LRRC37A2: variants seen among roughly 807,000 people sequenced by gnomAD.
LRRC37A2 encodes the protein leucine rich repeat containing 37 member A2, also known as leucine-rich repeat-containing protein 37A2.
In LRRC37A2, 9 loss-of-function variants were observed where a neutral mutation model predicts 68.8. The ratio of observed to expected loss-of-function variants is 0.13; its 90% confidence interval spans 0.08 to 0.23. LRRC37A2 has a LOEUF of 0.23. LRRC37A2 is among the 10% of genes least tolerant of loss of function. The pLI is 1.00. For synonymous variants in LRRC37A2, 63 were observed against 367.6 expected, an observed-to-expected ratio of 0.17 and a Z score of 9.48; for missense variants, 168 against 950.4, an observed-to-expected ratio of 0.18 and a Z score of 10.82.
the LRRC37A2 span, chr17:46,923,087 A>C: frequency 5.1e-6 from 4 of 790,192 alleles, no homozygotes; most frequent in Non-Finnish European, 8.7e-6. Context: ...CCTGGCCGGC[A>C]GGGGAGGGAG....
the LRRC37A2 span, among the ~76,000 whole-genome samples, chr17:46,705,396 G>A: frequency 2.6e-3 from 391 of 151,900 alleles, 5 homozygotes; most frequent in African/African-American, 9.1e-3. Flanking sequence ...TTCTTAAAAC[G>A]CACTCAAAAT....
chr17:46,759,783 G>GAACT, the LRRC37A2 span, among the ~76,000 whole-genome samples: 1 of 151,902 alleles, frequency 6.6e-6, no homozygotes, highest in South Asian at 2.1e-4. Context: ...CCTCATCCTT[G>GAACT]AACTGTCTCA....
chr17:46,923,549 T>G, the LRRC37A2 span: 3 of 1,321,954 alleles, frequency 2.3e-6, no homozygotes, highest in Non-Finnish European at 1.9e-6. Flanking sequence ...TCGGTGCTCC[T>G]GGTTGGTAGA....
the LRRC37A2 span, among the ~76,000 whole-genome samples, chr17:46,781,232 C>CAAAAAAA: frequency 6.9e-6 from 1 of 143,938 alleles, no homozygotes; most frequent in South Asian, 2.2e-4. Context: ...TCCCCCCAAC[C>CAAAAAAA]AAAAAAAAAA....
the LRRC37A2 span, among the ~76,000 whole-genome samples, chr17:46,934,056 AG>A: frequency 6.6e-6 from 1 of 152,178 alleles, no homozygotes; most frequent in Non-Finnish European, 1.5e-5. Context: ...TCCTGCCTAT[AG>A]TCCACTTTCA....
the LRRC37A2 span, among the ~76,000 whole-genome samples, chr17:46,853,859 G>A: frequency 6.6e-6 from 1 of 152,158 alleles, no homozygotes; most frequent in Non-Finnish European, 1.5e-5. Context: ...GATGAGAGGA[G>A]AGGGGTTCCA....
chr17:46,471,370 GGGCACAGT>G, the LRRC37A2 span, among the ~76,000 whole-genome samples: 1 of 72,580 alleles, frequency 1.4e-5, no homozygotes, highest in African/African-American at 3.8e-5. Context: ...TAAATAGGCT[GGGCACAGT>G]GGCTCTCGCC....
At chr17:46,861,581 G>A in the LRRC37A2 span, among the ~76,000 whole-genome samples, 2 of 152,138 alleles carry the variant, frequency 1.3e-5, no homozygotes, top group African/African-American at 2.4e-5. Flanking sequence ...TATCCCCATC[G>A]GACTCCAGAA....
the LRRC37A2 span, among the ~76,000 whole-genome samples, chr17:46,967,263 T>G: frequency 6.6e-6 from 1 of 152,358 alleles, no homozygotes; most frequent in African/African-American, 2.4e-5. Context: ...CTCTGCCACT[T>G]ATTGGCTGCA....
At chr17:46,987,385 C>T in the LRRC37A2 span, among the ~76,000 whole-genome samples, 1 of 152,234 alleles carries the variant, frequency 6.6e-6, no homozygotes, top group African/African-American at 2.4e-5. Context: ...ACAGGGGAGA[C>T]ACACGATCAG....
At chr17:46,923,358 G>A in the LRRC37A2 span, 3 of 1,504,278 alleles carry the variant, frequency 2.0e-6, no homozygotes, top group African/African-American at 4.2e-5. Context: ...GGATGCCTCC[G>A]AAGTGCTTAA....
chr17:46,989,488 G>C, the LRRC37A2 span, among the ~76,000 whole-genome samples: 1 of 152,210 alleles, frequency 6.6e-6, no homozygotes, highest in African/African-American at 2.4e-5. Context: ...CAGATATAAG[G>C]GGATGCATGA....
the LRRC37A2 span, chr17:46,940,170 C>T: frequency 1.5e-6 from 2 of 1,347,460 alleles, no homozygotes; most frequent in Non-Finnish European, 1.9e-6. Context: ...CTTTCAGGCA[C>T]CTCTGTGGCA....
At chr17:46,972,946 A>T in the LRRC37A2 span, 1 of 153,868 alleles carries the variant, frequency 6.5e-6, no homozygotes, top group Non-Finnish European at 1.5e-5. Context: ...TTGTACGTCA[A>T]GTTTATTAGG....
chr17:46,657,906 G>A, the LRRC37A2 span, among the ~76,000 whole-genome samples: 1 of 87,444 alleles, frequency 1.1e-5, no homozygotes, highest in Admixed American at 1.4e-4. Flanking sequence ...AGCATTGTCT[G>A]TTCTCGCTTT....
chr17:46,966,443 G>A, the LRRC37A2 span: 1 of 611,058 alleles, frequency 1.6e-6, no homozygotes, highest in East Asian at 2.9e-5. Flanking sequence ...GACCTGCTGG[G>A]CTTAAGCAAT....
chr17:46,931,140 A>G, the LRRC37A2 span: 2 of 1,611,146 alleles, frequency 1.2e-6, no homozygotes, highest in Admixed American at 3.3e-5. Flanking sequence ...CCAGATATTC[A>G]GCCGTCTAGA....
chr17:46,845,991 A>T, the LRRC37A2 span, among the ~76,000 whole-genome samples: 1 of 151,836 alleles, frequency 6.6e-6, no homozygotes, highest in Non-Finnish European at 1.5e-5. Flanking sequence ...GGGTTTTGCC[A>T]TGTTGGCCAG....
chr17:46,721,700 A>G, the LRRC37A2 span: 1 of 1,604,322 alleles, frequency 6.2e-7, no homozygotes, highest in Non-Finnish European at 8.5e-7. Flanking sequence ...GTCCAAATGA[A>G]CCTTTATGAG....
Sources: gnomAD v4.1 joint callset for allele counts (sites outside exome capture counted in the v4.1 genomes callset) on GRCh38, gnomAD v4.1.1 for gene constraint, MANE v1.5 for transcripts, NCBI Gene and HGNC (gene_info 2026-07-23, HGNC 2026-07-21) for gene names.